The following RBFOX3 variants were observed in gnomAD, a reference collection of about 807,000 sequenced individuals.
RBFOX3 encodes the protein RNA binding fox-1 homolog 3.
In RBFOX3, 17 loss-of-function variants were observed where a neutral mutation model predicts 48.7. That is an observed-to-expected ratio of 0.35 (90% CI 0.24 to 0.52). The LOEUF (loss-of-function observed/expected upper bound fraction) is 0.52, where lower values mean the gene tolerates loss of function less well. Among genes scored for constraint, RBFOX3 ranks in the 20% least tolerant of loss-of-function variants. The pLI is 0.94. For synonymous variants in RBFOX3, 212 were observed against 209.5 expected, an observed-to-expected ratio of 1.01 and a Z score of -0.10; for missense variants, 382 against 497.5, an observed-to-expected ratio of 0.77 and a Z score of 2.21.
At chr17:79,268,473 C>T (rs986576771) in intron 3 of RBFOX3, among the ~76,000 whole-genome samples, 3 of 152,174 alleles carry the variant, frequency 2.0e-5, no homozygotes, top group Non-Finnish European at 4.4e-5. Context: ...AGCTGGGGTG[C>T]TGCTAACTCT....
rs933100198 is a variant in RBFOX3, at chr17:79,276,014, T to A, written c.-74+31710A>T. The stretch of plus-strand genomic sequence containing the variant: ...GAAATGATCCACACACTGCAGTCCA[T>A]CCACACAATGGAATTGTGCTCGGCC... On this transcript the variant is annotated intron_variant, in intron 3 of 14. Coordinates refer to ENST00000693108, the MANE Select transcript of RBFOX3 (RefSeq NM_001350451.2). 3.9e-5 allele frequency among the ~76,000 whole-genome samples: 6 copies of A among 152,192 alleles called. No homozygotes were observed. The South Asian group carries it at 6.2e-4, about 16-fold the overall frequency.
chr17:79,632,772 C>T, the RBFOX3 span, among the ~76,000 whole-genome samples: 11 of 149,046 alleles, frequency 7.4e-5, no homozygotes, highest in East Asian at 1.4e-3. Flanking sequence ...GTTAGCAAGG[C>T]CTGATGGTGC....
intron 2 of RBFOX3, among the ~76,000 whole-genome samples, chr17:79,321,872 A>AT (rs2078576850): frequency 6.6e-6 from 1 of 152,038 alleles, no homozygotes; most frequent in African/African-American, 2.4e-5. Flanking sequence ...AATCCGGCTA[A>AT]TTTTTGTATT....
At chr17:79,338,530 C>A (rs917576723) in intron 2 of RBFOX3, among the ~76,000 whole-genome samples, 5 of 152,160 alleles carry the variant, frequency 3.3e-5, no homozygotes, top group African/African-American at 9.7e-5. Context: ...CATAATTCAA[C>A]TCCCTGAGGC....
intron 3 of RBFOX3, among the ~76,000 whole-genome samples, chr17:79,238,427 A>G (rs2061901332): frequency 6.6e-6 from 1 of 152,202 alleles, no homozygotes. Context: ...TGGGCTGAGA[A>G]GGTGAAGCAG....
intron 1 of RBFOX3, among the ~76,000 whole-genome samples, chr17:79,536,436 T>G (rs1784968178): frequency 6.6e-6 from 1 of 152,226 alleles, no homozygotes; most frequent in Admixed American, 6.5e-5. Flanking sequence ...CCTGGTTATG[T>G]GTGTTCCAGT....
intron 3 of RBFOX3, among the ~76,000 whole-genome samples, chr17:79,284,894 G>C (rs1171336486): frequency 6.6e-6 from 1 of 152,172 alleles, no homozygotes; most frequent in Non-Finnish European, 1.5e-5. Flanking sequence ...AGGGGCTGGA[G>C]ATGGCAAGCT....
At chr17:79,395,793 G>T (rs1204175393) in intron 2 of RBFOX3, among the ~76,000 whole-genome samples, 1 of 152,234 alleles carries the variant, frequency 6.6e-6, no homozygotes, top group African/African-American at 2.4e-5. Flanking sequence ...CATCACGTCA[G>T]CCCTGGATTG....
At chr17:79,463,485 TCGC>T (rs2075797925) in intron 2 of RBFOX3, among the ~76,000 whole-genome samples, 11 of 30,894 alleles carry the variant, frequency 3.6e-4, no homozygotes, top group Admixed American at 4.1e-4. Flanking sequence ...TCCACTGCCA[TCGC>T]CACTGCCACT....
chr17:79,515,703 C>T (rs1162349454), intron 1 of RBFOX3, among the ~76,000 whole-genome samples: 1 of 152,118 alleles, frequency 6.6e-6, no homozygotes, highest in Non-Finnish European at 1.5e-5. Flanking sequence ...AGGTATCTGC[C>T]CCTTCTCTGG....
At chr17:79,201,415 G>A (rs961313302) in intron 4 of RBFOX3, among the ~76,000 whole-genome samples, 1 of 152,168 alleles carries the variant, frequency 6.6e-6, no homozygotes, top group East Asian at 1.9e-4. Flanking sequence ...CCAGAATACC[G>A]AGAAGCAGGT....
At chr17:79,248,950 G>C (rs2063542238) in intron 3 of RBFOX3, among the ~76,000 whole-genome samples, 1 of 152,220 alleles carries the variant, frequency 6.6e-6, no homozygotes, top group East Asian at 1.9e-4. Context: ...CTCTTCTGTG[G>C]GAGGGCCCCC....
At chr17:79,308,810 A>G (rs1318171054) in intron 2 of RBFOX3, among the ~76,000 whole-genome samples, 1 of 136,454 alleles carries the variant, frequency 7.3e-6, no homozygotes, top group Non-Finnish European at 1.5e-5. Context: ...CCCAGTCTCC[A>G]CAACTGTAAG....
At chr17:79,135,284 G>T (rs900821106) in intron 4 of RBFOX3, among the ~76,000 whole-genome samples, 2 of 152,166 alleles carry the variant, frequency 1.3e-5, no homozygotes, top group African/African-American at 2.4e-5. Context: ...TGGGGTCCTG[G>T]GGAGGTGAGA....
At chr17:79,587,842 G>A in intron 1 of RBFOX3, among the ~76,000 whole-genome samples, 1 of 152,258 alleles carries the variant, frequency 6.6e-6, no homozygotes, top group South Asian at 2.1e-4. Flanking sequence ...GAACATTTGA[G>A]TTGGGTCTTT....
chr17:79,277,182 T>A (rs893279986), intron 3 of RBFOX3, among the ~76,000 whole-genome samples: 4 of 151,782 alleles, frequency 2.6e-5, no homozygotes, highest in Non-Finnish European at 5.9e-5. Context: ...GCCCCCAGGC[T>A]GCCACTGGGT....
intron 2 of RBFOX3, among the ~76,000 whole-genome samples, chr17:79,433,560 T>C (rs924201107): frequency 6.6e-6 from 1 of 152,330 alleles, no homozygotes; most frequent in African/African-American, 2.4e-5. Flanking sequence ...CTTGGACCTC[T>C]GTCGTGGCTG....
At chr17:79,499,816 C>T (rs12942121) in intron 1 of RBFOX3, among the ~76,000 whole-genome samples, 48,026 of 152,058 alleles carry the variant, frequency 0.32, 9,344 homozygotes, top group Non-Finnish European at 0.43. Context: ...GGCCATTATC[C>T]GCATCATCAT....
chr17:79,168,509 G>A (rs1050295080), intron 4 of RBFOX3, among the ~76,000 whole-genome samples: 18 of 152,362 alleles, frequency 1.2e-4, no homozygotes, highest in South Asian at 6.2e-4. Flanking sequence ...CCCCACGGCC[G>A]CCCTATGTCC....
Sources: gnomAD v4.1 joint callset for allele counts (sites outside exome capture counted in the v4.1 genomes callset) on GRCh38, gnomAD v4.1.1 for gene constraint, MANE v1.5 for transcripts, NCBI Gene and HGNC (gene_info 2026-07-23, HGNC 2026-07-21) for gene names.